Variants in PCDH11Y observed in about 807,000 individuals in gnomAD.
PCDH11Y encodes protocadherin-11 Y-linked.
For missense variants in PCDH11Y, 12 were observed against 224.8 expected (o/e 0.05, Z 6.05); for synonymous variants, 9 against 83.6 (o/e 0.11, Z 4.87).
intron 4 of PCDH11Y, among the ~76,000 whole-genome samples, chrY:5,619,589 T>A: frequency 4.3e-4 from 14 of 32,599 alleles, no homozygotes; most frequent in Admixed American, 4.0e-3. Flanking sequence ...ATATTTCCAG[T>A]TGGTTTTCTT....
intron 2 of PCDH11Y, among the ~76,000 whole-genome samples, chrY:5,407,874 A>G: frequency 4.3e-5 from 1 of 23,255 alleles, no homozygotes; most frequent in Non-Finnish European, 9.2e-5. Context: ...AGATCGCGCC[A>G]CTGCGCTCCA....
intron 2 of PCDH11Y, among the ~76,000 whole-genome samples, chrY:5,223,222 CTA>C (rs2052955994): frequency 3.1e-5 from 1 of 32,750 alleles, no homozygotes. Context: ...AACCATTTCT[CTA>C]TGATATATTC....
intron 4 of PCDH11Y, among the ~76,000 whole-genome samples, chrY:5,602,285 C>A: frequency 2.5e-4 from 8 of 32,017 alleles, no homozygotes; most frequent in Non-Finnish European, 3.8e-4. Flanking sequence ...ATGATGGTAT[C>A]ATACAACCAG....
chrY:5,424,709 A>G, intron 2 of PCDH11Y, among the ~76,000 whole-genome samples: 1 of 32,412 alleles, frequency 3.1e-5, no homozygotes, highest in Admixed American at 2.9e-4. Context: ...ATTTTATTTT[A>G]TTTTTGAGAT....
chrY:5,077,336 A>C, intron 1 of PCDH11Y, among the ~76,000 whole-genome samples: 4 of 32,627 alleles, frequency 1.2e-4, no homozygotes, highest in South Asian at 6.8e-4. Flanking sequence ...AGTTTTTTCC[A>C]AATATAACAT....
chrY:5,730,255 A>G, intron 4 of PCDH11Y, among the ~76,000 whole-genome samples: 3 of 32,457 alleles, frequency 9.2e-5, no homozygotes, highest in Admixed American at 2.8e-4. Context: ...ATCCATGAGC[A>G]TAGGATACTT....
At chrY:5,029,133 G>A (rs2052584747) in intron 1 of PCDH11Y, among the ~76,000 whole-genome samples, 1 of 33,096 alleles carries the variant, frequency 3.0e-5, no homozygotes, top group Non-Finnish European at 7.4e-5. Context: ...CATAGCTGTA[G>A]CCCCTAAGTC....
intron 2 of PCDH11Y, among the ~76,000 whole-genome samples, chrY:5,230,570 C>A: frequency 6.1e-5 from 2 of 33,049 alleles, no homozygotes. Context: ...TTTTAGAATC[C>A]GTTCTTAACT....
chrY:5,583,364 G>T (rs2053452457), intron 4 of PCDH11Y, among the ~76,000 whole-genome samples: 1 of 31,443 alleles, frequency 3.2e-5, no homozygotes, highest in Non-Finnish European at 7.8e-5. Context: ...GCTATTCTGC[G>T]TGTTTTGTGG....
At chrY:5,486,336 A>G in intron 2 of PCDH11Y, among the ~76,000 whole-genome samples, 1 of 32,386 alleles carries the variant, frequency 3.1e-5, no homozygotes, top group Non-Finnish European at 7.5e-5. Context: ...TTTTAAAGTG[A>G]TAATCCATAT....
intron 2 of PCDH11Y, among the ~76,000 whole-genome samples, chrY:5,401,338 A>G: frequency 3.0e-5 from 1 of 33,311 alleles, no homozygotes; most frequent in Non-Finnish European, 7.4e-5. Flanking sequence ...CTTTAAGACA[A>G]TGGGTGCCAA....
intron 4 of PCDH11Y, among the ~76,000 whole-genome samples, chrY:5,710,313 A>C: frequency 3.1e-5 from 1 of 31,994 alleles, no homozygotes; most frequent in Non-Finnish European, 7.6e-5. Flanking sequence ...AGGGAAAGGG[A>C]ACTTGGAAAA....
chrY:5,599,627 ACT>A (rs2053470634), intron 4 of PCDH11Y, among the ~76,000 whole-genome samples: 1 of 33,345 alleles, frequency 3.0e-5, no homozygotes, highest in African/African-American at 1.2e-4. Context: ...AAGTAAATTG[ACT>A]CTCACAAGTC....
intron 2 of PCDH11Y, among the ~76,000 whole-genome samples, chrY:5,229,034 G>C (rs2124653505): frequency 6.2e-5 from 2 of 32,418 alleles, no homozygotes; most frequent in East Asian, 1.6e-3. Context: ...GAAGTCTCTA[G>C]TTATTATTGT....
At chrY:5,000,768 C>T in intron 1 of PCDH11Y, among the ~76,000 whole-genome samples, 163 bp downstream of exon 1, 1 of 30,735 alleles carries the variant, frequency 3.3e-5, no homozygotes. Flanking sequence ...CTTCTCTTCC[C>T]GGGAGGGAAG....
intron 2 of PCDH11Y, among the ~76,000 whole-genome samples, chrY:5,368,585 TAAGGCAGTGAAG>T (rs2053183653): frequency 2.9e-5 from 1 of 34,117 alleles, no homozygotes; most frequent in Non-Finnish European, 7.4e-5. Context: ...GCACCTCTGC[TAAGGCAGTGAAG>T]AAGGGAGATG....
chrY:5,713,222 T>C (rs2053587701), intron 4 of PCDH11Y, among the ~76,000 whole-genome samples: 1 of 21,218 alleles, frequency 4.7e-5, no homozygotes, highest in Admixed American at 4.9e-4. Context: ...AAAATTTTCT[T>C]TAGTTATCCT....
intron 2 of PCDH11Y, among the ~76,000 whole-genome samples, chrY:5,323,226 T>G: frequency 3.9e-4 from 9 of 23,151 alleles, no homozygotes; most frequent in Admixed American, 1.2e-3. Context: ...AGACAGAGTT[T>G]CACTCTTTTT....
chrY:5,562,621 C>T (rs2124695335), intron 3 of PCDH11Y, among the ~76,000 whole-genome samples: 2 of 27,625 alleles, frequency 7.2e-5, no homozygotes, highest in Admixed American at 3.3e-4. Context: ...ATTAGCCGGG[C>T]GCGGTGGCGG....
Sources: gnomAD v4.1 joint callset for allele counts (sites outside exome capture counted in the v4.1 genomes callset) on GRCh38, gnomAD v4.1.1 for gene constraint, MANE v1.5 for transcripts, NCBI Gene and HGNC (gene_info 2026-07-23, HGNC 2026-07-21) for gene names.